NAA16: variants seen among roughly 807,000 people sequenced by gnomAD.
The protein encoded by NAA16 is N-alpha-acetyltransferase 16, NatA auxiliary subunit, also known as NARG1-like protein.
Under a neutral mutation model 110.3 loss-of-function variants are expected in NAA16, and 97 were observed. That is an observed-to-expected ratio of 0.88 (90% confidence interval 0.75 to 1.04). The LOEUF is 1.04. Among genes scored for constraint, NAA16 ranks in the 50% least tolerant of loss-of-function variants. The pLI, the probability that NAA16 is intolerant of heterozygous loss-of-function variation, is 0.00. For missense variants in NAA16, 1,017 were observed against 1,005.1 expected, an observed-to-expected ratio of 1.01 and a Z score of -0.16; for synonymous variants, 372 against 330.6, an observed-to-expected ratio of 1.13 and a Z score of -1.36.
In NAA16 at chr13:41,316,902, G is replaced by T. The variant is rs1320310528; in HGVS notation, c.111G>T (p.Leu37=). ...KNGLKFCKMI[L]SNPKFAEHGE... is the part of the protein sequence containing the mutation. ...GCCTCAAGTTTTGCAAGATGATTCT[G>T]TCGAACCCAAAATTTGCTGAACATG... Residue 37 remains leucine (L), a synonymous_variant, in exon 2 of 20, where the codon CTG becomes CTT. Transcript: ENST00000379406. The T allele has an allele frequency of 1.2e-5, 20 of 1,613,496 alleles. No homozygotes were observed. The highest frequency in any genetic ancestry group is 1.7e-5 in the Non-Finnish European group (20 of 1,179,656).
intron 5 of NAA16, among the ~76,000 whole-genome samples, chr13:41,323,914 G>T: frequency 6.6e-6 from 1 of 152,102 alleles, no homozygotes; most frequent in East Asian, 1.9e-4. Flanking sequence ...CTGTTTATCT[G>T]TCATTTCATA....
chr13:41,315,262 A>G (rs895939174), intron 1 of NAA16, among the ~76,000 whole-genome samples: 1 of 152,176 alleles, frequency 6.6e-6, no homozygotes, highest in Non-Finnish European at 1.5e-5. Flanking sequence ...CAGAAGGAAC[A>G]CAAGTGTAGG....
chr13:41,359,328 T>C (rs9566753), intron 12 of NAA16, among the ~76,000 whole-genome samples: 13,586 of 152,302 alleles, frequency 0.089, 755 homozygotes, highest in East Asian at 0.23. Flanking sequence ...TTTAACTTGC[T>C]CATAGAGTTC....
At chr13:41,324,435 G>A (rs555875154) in intron 5 of NAA16, among the ~76,000 whole-genome samples, 5 of 122,124 alleles carry the variant, frequency 4.1e-5, no homozygotes, top group African/African-American at 1.6e-4. Flanking sequence ...GAGTTCAGTG[G>A]TGCAATCTCG....
At chr13:41,346,928 G>A (rs1472082417) in intron 9 of NAA16, among the ~76,000 whole-genome samples, 3 of 152,078 alleles carry the variant, frequency 2.0e-5, no homozygotes, top group Non-Finnish European at 4.4e-5. Flanking sequence ...TTTGAAATTA[G>A]GAAGTGTGAG....
In NAA16 at chr13:41,325,736, G is replaced by T; in HGVS notation, c.576G>T (p.Leu192Phe). The T allele has an allele frequency of 6.3e-7, 1 of 1,596,600 alleles. No homozygotes were observed. Among genetic ancestry groups the T allele is most frequent in the South Asian group, 1.1e-5 (1 of 88,802 alleles). Residue 192 changes from leucine to phenylalanine, a missense_variant, in exon 6 of 20, where the codon TTG (leucine) becomes TTT (phenylalanine). Coordinates refer to ENST00000379406, the MANE Select transcript of NAA16 (RefSeq NM_024561.5). ...AAATAGATTATGAATATAGTGAATTGATATTATACCAGAATCAAGTGATGA... is the reference window on the plus strand; with the variant it reads ...AAATAGATTATGAATATAGTGAATTTATATTATACCAGAATCAAGTGATGA... ...PNKIDYEYSELILYQNQVMRE... is the reference protein window; with the variant it reads ...PNKIDYEYSEFILYQNQVMRE...
chr13:41,346,795 G>A (rs1471605663), intron 9 of NAA16, among the ~76,000 whole-genome samples: 1 of 152,086 alleles, frequency 6.6e-6, no homozygotes, highest in African/African-American at 2.4e-5. Context: ...AGACCTTGGA[G>A]GGACAGTTTC....
chr13:41,343,826 C>G (rs967763422), intron 9 of NAA16, among the ~76,000 whole-genome samples: 18 of 152,120 alleles, frequency 1.2e-4, no homozygotes, highest in African/African-American at 3.9e-4. Flanking sequence ...CAGGCGTGAG[C>G]CACTGCACCC....
intron 9 of NAA16, among the ~76,000 whole-genome samples, chr13:41,352,544 A>G (rs954647745): frequency 3.0e-4 from 45 of 152,082 alleles, no homozygotes; most frequent in African/African-American, 1.1e-3. Flanking sequence ...AGTTCCAGCT[A>G]CTCAGGAGGC....
intron 5 of NAA16, among the ~76,000 whole-genome samples, chr13:41,325,235 G>T (rs984217387): frequency 1.3e-5 from 2 of 151,998 alleles, no homozygotes; most frequent in African/African-American, 2.4e-5. Context: ...GGTTACAGAT[G>T]TGCGCCACCG....
chr13:41,339,751 G>C (rs376940790), intron 9 of NAA16, among the ~76,000 whole-genome samples: 1 of 151,988 alleles, frequency 6.6e-6, no homozygotes, highest in Non-Finnish European at 1.5e-5. Context: ...GTAGAGACAG[G>C]GTTTCATGAT....
At chr13:41,355,330 C>A in intron 10 of NAA16, 114 bp downstream of exon 10, 1 of 608,968 alleles carries the variant, frequency 1.6e-6, no homozygotes, top group South Asian at 2.6e-5. Flanking sequence ...TAATAAATGG[C>A]TTTCAAATTG....
At chr13:41,316,597 G>C (rs1289656147) in intron 1 of NAA16, among the ~76,000 whole-genome samples, 1 of 152,096 alleles carries the variant, frequency 6.6e-6, no homozygotes, top group Admixed American at 6.6e-5. Context: ...GAGCCACCTT[G>C]CTGAGCCACA....
intron 8 of NAA16, among the ~76,000 whole-genome samples, chr13:41,334,169 C>A (rs1305485487): frequency 6.6e-6 from 1 of 152,098 alleles, no homozygotes; most frequent in Non-Finnish European, 1.5e-5. Context: ...GCAGTAAGAT[C>A]TTCCTCAAGA....
At chr13:41,331,606 C>T (rs1489783323) in intron 8 of NAA16, among the ~76,000 whole-genome samples, 1 of 151,632 alleles carries the variant, frequency 6.6e-6, no homozygotes, top group Non-Finnish European at 1.5e-5. Context: ...AAGTTGATCT[C>T]ATAGAGGTAG....
chr13:41,366,974 T>G (rs1593525838), intron 13 of NAA16, among the ~76,000 whole-genome samples: 1 of 152,222 alleles, frequency 6.6e-6, no homozygotes, highest in Admixed American at 6.5e-5. Flanking sequence ...TGGCAGGCGG[T>G]GGGTAAGGAT....
At chr13:41,360,877 CT>C (rs1162903637) in intron 12 of NAA16, among the ~76,000 whole-genome samples, 7 of 152,156 alleles carry the variant, frequency 4.6e-5, no homozygotes, top group African/African-American at 1.7e-4. Context: ...TATAGATTTC[CT>C]CTTATAAAAA....
intron 7 of NAA16, among the ~76,000 whole-genome samples, chr13:41,329,432 A>G (rs1039328454): frequency 2.3e-4 from 35 of 151,922 alleles, no homozygotes; most frequent in African/African-American, 7.0e-4. Flanking sequence ...ATATTCCTAA[A>G]ATCATATTTA....
chr13:41,335,901 C>T, intron 8 of NAA16, among the ~76,000 whole-genome samples: 1 of 150,790 alleles, frequency 6.6e-6, no homozygotes. Flanking sequence ...AATCCATGTC[C>T]TTATGTATTA....
Sources: allele counts gnomAD v4.1 joint callset (sites outside exome capture counted in the v4.1 genomes callset), GRCh38; gene constraint gnomAD v4.1.1; transcripts MANE v1.5; gene names NCBI Gene and HGNC (gene_info 2026-07-23, HGNC 2026-07-21).